ADGRG4: variants seen among roughly 807,000 people sequenced by gnomAD.
ADGRG4 encodes adhesion G protein-coupled receptor G4, also known as G protein-coupled receptor 112.
A neutral mutation model predicts 126.2 loss-of-function variants in ADGRG4; 122 were observed. That is an observed-to-expected ratio of 0.97 (90% CI 0.83 to 1.12). The LOEUF is 1.12. Among genes scored for constraint, ADGRG4 ranks in the 50% most tolerant of loss-of-function variants. The probability of loss-of-function intolerance (pLI) is 0.00; values close to 1 mark genes in which losing one functional copy is unlikely to be tolerated. For synonymous variants in ADGRG4, 943 were observed against 838.7 expected (o/e 1.12, Z -2.15); for missense variants, 2,481 against 2,251.8 (o/e 1.10, Z -2.06).
At chrX:136,337,547 T>C (rs1218102585) in intron 5 of ADGRG4, among the ~76,000 whole-genome samples, 3 of 112,647 alleles carry the variant, frequency 2.7e-5, no homozygotes, top group Non-Finnish European at 5.6e-5. Context: ...CATTTCCATT[T>C]TATTCCTGTA....
Position 136,348,724 on chromosome X carries a change from G to T in ADGRG4, c.5018G>T (p.Gly1673Val). ...GCTGGGATAGTGACTCCATTTGTAGGCACCACTGCCTTCTCTCCACTCAGT... is the reference window on the plus strand; with the variant it reads ...GCTGGGATAGTGACTCCATTTGTAGTCACCACTGCCTTCTCTCCACTCAGT... ...IMAGIVTPFV[G>V]TTAFSPLSSK... Residue 1673 changes from glycine (G) to valine (V), a missense_variant, in exon 6 of 26, where the codon GGC becomes GTC. By Grantham distance (109) the Gly-to-Val change is moderately radical. Transcript: ENST00000394143. The T allele has an allele frequency of 8.3e-7, 1 of 1,209,940 alleles. No homozygotes were observed. The highest frequency in any genetic ancestry group is 1.1e-6 in the Non-Finnish European group (1 of 894,892).
chrX:136,322,766 A>G lies in ADGRG4; in HGVS notation c.71-12A>G. On this transcript the variant is annotated splice_polypyrimidine_tract_variant and intron_variant, in intron 4 of 25. Coordinates refer to ENST00000394143, the MANE Select transcript of ADGRG4 (RefSeq NM_153834.4). The stretch of plus-strand genomic sequence containing the variant: ...ATTTGTTTTCTCTTTCCCCTCCCCC[A>G]AATTTGGACAGATACACTTTCACTA... 3 of 1,157,435 alleles carry G rather than the reference A, an allele frequency of 2.6e-6. No individual in the cohort carries two copies. Among genetic ancestry groups the G allele is most frequent in the Non-Finnish European group, 3.4e-6 (3 of 870,661 alleles).
chrX:136,348,225 T>G lies in ADGRG4; in HGVS notation c.4519T>G (p.Ser1507Ala). ...TCCTAGAGAATCCTCTATGGCAACG[T>G]CCACTCCTATTTACCAGATGTCCTC... The part of the protein sequence containing the change: ...MLPRESSMAT[S>A]TPIYQMSSLP... The change falls in exon 6 of 26, where the codon TCC becomes GCC. Residue 1507 changes from serine to alanine, a missense_variant. By Grantham distance (99) the Ser-to-Ala change is moderately conservative (BLOSUM62 1). Transcript: ENST00000394143. 8.3e-7 allele frequency: 1 copy of G among 1,210,740 alleles called. No individual in the cohort carries two copies. Among genetic ancestry groups the G allele is most frequent in the Non-Finnish European group, 1.1e-6 (1 of 894,684 alleles).
chrX:136,400,032 G>A lies in ADGRG4; in HGVS notation c.8491G>A (p.Ala2831Thr). The A allele has an allele frequency of 3.3e-6, 4 of 1,205,446 alleles. No individual in the cohort carries two copies. The highest frequency in any genetic ancestry group is 4.5e-6 in the Non-Finnish European group (4 of 889,854). The change falls in exon 21 of 26, where the codon GCA becomes ACA. Residue 2831 changes from alanine to threonine, a missense_variant. Coordinates refer to ENST00000394143, the MANE Select transcript of ADGRG4 (RefSeq NM_153834.4). ...LVSFTWMGLEAVHMYLALVKV... is the reference protein window; with the variant it reads ...LVSFTWMGLETVHMYLALVKV... The stretch of plus-strand genomic sequence containing the variant: ...TTCTTTTACTTGGATGGGCCTGGAG[G>A]CAGTCCACATGTATTTGGCTCTAGT...
chrX:136,350,633 T>G (rs2075056503), intron 6 of ADGRG4, among the ~76,000 whole-genome samples, 200 bp downstream of exon 6: 1 of 112,139 alleles, frequency 8.9e-6, no homozygotes, highest in South Asian at 3.7e-4. Context: ...TGTCTTTGCC[T>G]TATTGAAATA....
intron 5 of ADGRG4, among the ~76,000 whole-genome samples, chrX:136,334,072 CTCTCTTTCTT>C (rs1250920732): frequency 1.4e-4 from 13 of 93,685 alleles, no homozygotes; most frequent in South Asian, 5.9e-4. Context: ...TTGAGGTTCT[CTCTCTTTCTT>C]TCTTTCTTTC....
chrX:136,356,132 T>A lies in ADGRG4; in HGVS notation c.6894T>A (p.Ile2298=). ...TLETQIKSRD[I]SEEEMVMDRA... is the part of the protein sequence containing the mutation. ...TGTAATGCTTTTGATACAGGGACATTTCAGAGGAAGAGATGGTCATGGATC... is the reference window on the plus strand; with the variant it reads ...TGTAATGCTTTTGATACAGGGACATATCAGAGGAAGAGATGGTCATGGATC... The change falls in exon 9 of 26, where the codon ATT becomes ATA. Residue 2298 remains isoleucine (I), a synonymous_variant. Transcript: ENST00000394143. The A allele has an allele frequency of 8.4e-7, 1 of 1,184,519 alleles. No individual in the cohort carries two copies.
rs1283123991 is a variant in ADGRG4 at position 136,405,889 on chromosome X, T to C, written c.8852T>C (p.Leu2951Pro). The change falls in exon 23 of 26, where the codon CTC becomes CCC. Residue 2951 changes from leucine to proline, a missense_variant. By Grantham distance (98) the Leu-to-Pro change is moderately conservative. Transcript: ENST00000394143. ...ATGAGCCTGACATTCTTACTTGGCC[T>C]CACCTGGGGGTTTGCATTTTTTGCT... ...GTMSLTFLLG[L>P]TWGFAFFAWG... 3 of 1,195,589 alleles carry C rather than the reference T, an allele frequency of 2.5e-6. No homozygotes were observed. The highest frequency in any genetic ancestry group is 2.3e-4 in the Middle Eastern group (1 of 4,305).
chrX:136,395,516 C>T, intron 19 of ADGRG4, 23 bp downstream of exon 19: 1 of 931,487 alleles, frequency 1.1e-6, no homozygotes, highest in Non-Finnish European at 1.5e-6. Context: ...TTAGTCACTC[C>T]TCGATGGAAG....
In ADGRG4 at chrX:136,346,375, T is replaced by C. The variant is rs775141480; in HGVS notation, c.2669T>C (p.Ile890Thr). ...ASVTVSSFPDIEKLSTPLDNK... is the reference protein window; with the variant it reads ...ASVTVSSFPDTEKLSTPLDNK... Reference sequence around the variant, plus strand: ...GTCACTGTTTCCTCTTTTCCTGATATAGAAAAGCTAAGTACCCCATTGGAT... The same window carrying C: ...GTCACTGTTTCCTCTTTTCCTGATACAGAAAAGCTAAGTACCCCATTGGAT... The change falls in exon 6 of 26, where the codon ATA (isoleucine) becomes ACA (threonine). Residue 890 changes from isoleucine to threonine, a missense_variant. Transcript: ENST00000394143. 132 of 1,207,066 alleles carry C rather than the reference T, an allele frequency of 1.1e-4. 2 individuals carry two copies. In the South Asian group the frequency reaches 2.2e-3, roughly 20 times the overall value.
In ADGRG4 at chrX:136,322,926, C is replaced by T. The variant is rs768461249; in HGVS notation, c.219C>T (p.Ala73=). The change falls in exon 5 of 26, where the codon GCC becomes GCT. Residue 73 remains alanine, a synonymous_variant. Transcript: ENST00000394143. ...ATGACAACTCAAGGTATTGGATGGC[C>T]TTCTCTTATATTACTAATAACGCCC... The part of the protein sequence containing the change: ...FMDDNSRYWM[A]FSYITNNALL... 1.7e-5 allele frequency: 21 copies of T among 1,211,370 alleles called. 1 individual carries two copies. The South Asian group carries it at 3.3e-4, about 19-fold the overall frequency.
intron 16 of ADGRG4, among the ~76,000 whole-genome samples, chrX:136,389,155 C>T (rs975434835): frequency 8.9e-6 from 1 of 111,957 alleles, no homozygotes; most frequent in Non-Finnish European, 1.9e-5. Context: ...TCTATGTGTT[C>T]CTGTGGGCTT....
intron 16 of ADGRG4, among the ~76,000 whole-genome samples, chrX:136,388,965 A>G (rs779983954): frequency 2.8e-4 from 31 of 112,120 alleles, no homozygotes; most frequent in South Asian, 1.1e-3. Flanking sequence ...ATCCAAAGTA[A>G]TGAATTTCTA....
At position 136,357,598 on chromosome X, in the gene ADGRG4, T is replaced by C. The variant is rs1012201560; in HGVS notation, c.6928-106T>C. On this transcript the variant is annotated intron_variant, in intron 9 of 25. Coordinates refer to ENST00000394143, the MANE Select transcript of ADGRG4 (RefSeq NM_153834.4). The stretch of plus-strand genomic sequence containing the variant: ...AGTTTGCAGACGGCAATGAGTTACA[T>C]AAATGTGAAGCATAATTATATAATT... 10 of 566,666 alleles carry C rather than the reference T, an allele frequency of 1.8e-5. No homozygotes were observed. In the African/African-American group the frequency reaches 2.3e-4, roughly 13 times the overall value. 46.7% of individuals were successfully genotyped at this position (566,666 alleles called of 1,213,427 possible).
chrX:136,326,314 G>A (rs1020067423), intron 5 of ADGRG4, among the ~76,000 whole-genome samples: 1 of 111,627 alleles, frequency 9.0e-6, no homozygotes, highest in African/African-American at 3.3e-5. Context: ...TCCATCACAT[G>A]CTAACATATT....
intron 5 of ADGRG4, among the ~76,000 whole-genome samples, chrX:136,336,506 A>G (rs1339902893): frequency 1.8e-5 from 2 of 111,288 alleles, no homozygotes; most frequent in African/African-American, 6.5e-5. Context: ...GTTTTGCTTC[A>G]TGTATTTTGA....
Position 136,344,704 on chromosome X carries a change from T to C in ADGRG4, c.998T>C (p.Ile333Thr), listed in dbSNP as rs1220805632. ...AISLPTQSIS[I>T]DNTTNSMKKT... ...TCTCTGCCTACCCAGAGTATATCCA[T>C]AGACAATACTACCAATTCCATGAAA... is the stretch of plus-strand genomic sequence containing the variant. Residue 333 changes from isoleucine (I) to threonine (T), a missense_variant, in exon 6 of 26, where the codon ATA (isoleucine) becomes ACA (threonine). Coordinates refer to ENST00000394143, the MANE Select transcript of ADGRG4 (RefSeq NM_153834.4). 1.3e-5 allele frequency: 16 copies of C among 1,202,023 alleles called. No individual in the cohort carries two copies. Among genetic ancestry groups the C allele is most frequent in the Admixed American group, 1.1e-4 (5 of 45,672 alleles).
chrX:136,383,016 G>A (rs983701511), intron 15 of ADGRG4, among the ~76,000 whole-genome samples: 1 of 110,112 alleles, frequency 9.1e-6, no homozygotes, highest in African/African-American at 3.4e-5. Flanking sequence ...TCCTGGAACT[G>A]TGAATCCTGG....
At chrX:136,324,706 T>A (rs1176390044) in intron 5 of ADGRG4, among the ~76,000 whole-genome samples, 2 of 112,298 alleles carry the variant, frequency 1.8e-5, no homozygotes, top group African/African-American at 6.5e-5. Context: ...AGTTTTTCAA[T>A]CTGGCTCTTG....
Sources: allele counts gnomAD v4.1 joint callset (sites outside exome capture counted in the v4.1 genomes callset), GRCh38; gene constraint gnomAD v4.1.1; transcripts MANE v1.5; gene names NCBI Gene and HGNC (gene_info 2026-07-23, HGNC 2026-07-21).